LY6G6C: variants seen among roughly 807,000 people sequenced by gnomAD.
LY6G6C encodes lymphocyte antigen 6 complex locus protein G6c.
LY6G6C carries 12 observed loss-of-function variants against 12.8 expected under a neutral mutation model. The observed-to-expected ratio is 0.94, with a 90% CI of 0.60 to 1.52. The LOEUF (loss-of-function observed/expected upper bound fraction) is 1.52, where lower values mean the gene tolerates loss of function less well. Among genes scored for constraint, LY6G6C ranks in the 40% most tolerant of loss-of-function variants. The pLI is 0.00. For missense variants in LY6G6C, 125 were observed against 155.8 expected, an observed-to-expected ratio of 0.80 and a Z score of 1.05; for synonymous variants, 42 against 61.6, an observed-to-expected ratio of 0.68 and a Z score of 1.49.
intron 2 of LY6G6C, among the ~76,000 whole-genome samples, chr6:31,719,597 T>C (rs137908579): frequency 6.6e-6 from 1 of 152,238 alleles, no homozygotes; most frequent in African/African-American, 2.4e-5. Flanking sequence ...AGTGCAGTGG[T>C]GCCATCTCAG....
chr6:31,719,970 C>T, intron 2 of LY6G6C, 123 bp downstream of exon 2: 2 of 660,180 alleles, frequency 3.0e-6, no homozygotes, highest in Non-Finnish European at 5.3e-6. Flanking sequence ...CCATCTTTGG[C>T]CAAATATTAT....
At chr6:31,721,051 T>C (rs1397810923) in intron 1 of LY6G6C, 1 of 152,520 alleles carries the variant, frequency 6.6e-6, no homozygotes, top group Non-Finnish European at 1.5e-5. Flanking sequence ...CTCTTAGATG[T>C]CACTGCAACC....
chr6:31,719,374 C>T (rs1806662730), intron 2 of LY6G6C, 64 bp from the exon 3 acceptor site: 1 of 1,396,584 alleles, frequency 7.2e-7, no homozygotes, highest in Non-Finnish European at 1.0e-6. Flanking sequence ...TGTCCACCTC[C>T]CCACCCCATC....
In LY6G6C at chr6:31,719,489, T is replaced by C. The variant is rs944706160; in HGVS notation, c.164-179A>G. Among the ~76,000 whole-genome samples, 5 of 152,156 alleles carry C rather than the reference T, an allele frequency of 3.3e-5. No homozygotes were observed. The East Asian group carries it at 9.6e-4, about 29-fold the overall frequency. On this transcript the variant is annotated intron_variant, in intron 2 of 2. Coordinates refer to ENST00000375819, the MANE Select transcript of LY6G6C (RefSeq NM_025261.3). The stretch of plus-strand genomic sequence containing the variant: ...ACATCCTTACCCACCACTCCCCCAG[T>C]CCTGGTTCTATCACTTGCTGGCCAT...
At position 31,719,313 on chromosome 6, in the gene LY6G6C, AG is replaced by A; in HGVS notation, c.164-4del. ...ATTGGAGAAAACCCACATCTTACCTAGGGGTGGGAATGGGCAGGGAATCGGC... is the reference window on the plus strand; with the variant it reads ...ATTGGAGAAAACCCACATCTTACCTAGGGTGGGAATGGGCAGGGAATCGGC... On this transcript the variant is annotated splice_region_variant and splice_polypyrimidine_tract_variant and intron_variant, in intron 2 of 2. Coordinates refer to ENST00000375819, the MANE Select transcript of LY6G6C (RefSeq NM_025261.3). 6.2e-7 allele frequency: 1 copy of A among 1,613,948 alleles called. No individual in the cohort carries two copies.
chr6:31,721,557 G>A (rs927389454), intron 1 of LY6G6C, 71 bp downstream of exon 1: 11 of 1,451,042 alleles, frequency 7.6e-6, no homozygotes, highest in Non-Finnish European at 8.6e-6. Context: ...GGTAGGGCCG[G>A]GAAGTGGGTA....
chr6:31,719,689 A>G (rs1483092221), intron 2 of LY6G6C, among the ~76,000 whole-genome samples: 1 of 151,922 alleles, frequency 6.6e-6, no homozygotes, highest in Non-Finnish European at 1.5e-5. Flanking sequence ...GGCGCCCACT[A>G]CCATGCCTGG....
chr6:31,718,684 G>A lies in LY6G6C; in HGVS notation c.*412C>T, dbSNP rs1354118127. ...CATTTATTACTCAAAATGGAAAGAG[G>A]TGAGTATGGGGGATGGGGTACATAT... is the stretch of plus-strand genomic sequence containing the variant. On this transcript the variant is annotated 3_prime_UTR_variant, in exon 3 of 3. Coordinates refer to ENST00000375819, the MANE Select transcript of LY6G6C (RefSeq NM_025261.3). The A allele has an allele frequency of 4.4e-6, 1 of 227,834 alleles. No individual in the cohort carries two copies. The highest frequency in any genetic ancestry group is 1.6e-4 in the South Asian group (1 of 6,256). The allele number at this position is 227,834 out of a possible 1,614,324, so 14.1% of individuals were successfully genotyped here.
chr6:31,720,016 T>A lies in LY6G6C; in HGVS notation c.163+77A>T. The stretch of plus-strand genomic sequence containing the variant: ...ATCCTCTGCTTCTCCATCTCAGTCT[T>A]AGACCCATTTGGGCCTCAGTCCTGG... On this transcript the variant is annotated intron_variant, in intron 2 of 2. Transcript: ENST00000375819. This position sits in a 1 kb window ranked among gnomAD's most constrained non-coding sequence, Gnocchi z 4.9. 3.2e-6 allele frequency: 3 copies of A among 939,658 alleles called. No individual in the cohort carries two copies. In the South Asian group the frequency reaches 4.2e-5, roughly 13 times the overall value. The allele number at this position is 939,658 out of a possible 1,614,324, so 58.2% of individuals were successfully genotyped here.
intron 2 of LY6G6C, among the ~76,000 whole-genome samples, chr6:31,719,861 G>A (rs1215923373): frequency 6.6e-6 from 1 of 151,992 alleles, no homozygotes; most frequent in Non-Finnish European, 1.5e-5. Context: ...TTTTGAGGCC[G>A]TTTTCTCAGT....
At chr6:31,721,235 GACA>G (rs1167995684) in intron 1 of LY6G6C, among the ~76,000 whole-genome samples, 22 of 152,220 alleles carry the variant, frequency 1.4e-4, no homozygotes, top group African/African-American at 5.1e-4. Context: ...TCTTCGAGAG[GACA>G]CCTTACTGAG....
rs143912436 is a variant in LY6G6C, at chr6:31,719,284, G to A, written c.190C>T (p.Arg64Cys). The change falls in exon 3 of 3, where the codon CGC becomes TGC. Residue 64 changes from arginine (R) to cysteine (C), a missense_variant. Coordinates refer to ENST00000375819, the MANE Select transcript of LY6G6C (RefSeq NM_025261.3). Reference sequence around the variant, plus strand: ...CAGGGCTCTTCTGGTGTGCCACAGCGCAGATTGGAGAAAACCCACATCTTA... The same window carrying A: ...CAGGGCTCTTCTGGTGTGCCACAGCACAGATTGGAGAAAACCCACATCTTA... Reference protein sequence around the residue: ...LGKMWVFSNLRCGTPEEPCQE... With the variant: ...LGKMWVFSNLCCGTPEEPCQE... 9.5e-5 allele frequency: 154 copies of A among 1,614,030 alleles called. No homozygotes were observed. Among genetic ancestry groups the A allele is most frequent in the Middle Eastern group, 1.6e-4 (1 of 6,084 alleles).
Position 31,718,714 on chromosome 6 carries a change from G to A in LY6G6C, c.*382C>T. The A allele has an allele frequency of 3.5e-6, 1 of 287,938 alleles. No homozygotes were observed. Among genetic ancestry groups the A allele is most frequent in the Admixed American group, 4.6e-5 (1 of 21,572 alleles). 17.8% of individuals were successfully genotyped at this position (287,938 alleles called of 1,614,324 possible). On this transcript the variant is annotated 3_prime_UTR_variant, in exon 3 of 3. Coordinates refer to ENST00000375819, the MANE Select transcript of LY6G6C (RefSeq NM_025261.3). Reference sequence around the variant, plus strand: ...TATGGGGGATGGGGTACATATGGGAGCCTGGGTTTGGGGAGTCAGCTCTGT... The same window carrying A: ...TATGGGGGATGGGGTACATATGGGAACCTGGGTTTGGGGAGTCAGCTCTGT...
intron 1 of LY6G6C, 77 bp downstream of exon 1, chr6:31,721,551 G>T: frequency 1.4e-6 from 2 of 1,384,762 alleles, no homozygotes; most frequent in Non-Finnish European, 2.0e-6. Context: ...GTGGTGGGTA[G>T]GGCCGGGAAG....
In LY6G6C at chr6:31,720,132, C is replaced by G; in HGVS notation, c.124G>C (p.Glu42Gln). The change falls in exon 2 of 3, where the codon GAG (glutamate) becomes CAG (glutamine). Residue 42 changes from glutamate to glutamine, a missense_variant. Glu to Gln is a conservative substitution (Grantham distance 29, BLOSUM62 2). Coordinates refer to ENST00000375819, the MANE Select transcript of LY6G6C (RefSeq NM_025261.3). This position sits in a 1 kb window ranked among gnomAD's most constrained non-coding sequence, Gnocchi z 4.9. Reference sequence around the variant, plus strand: ...GTTGTCAGGCATTGCTGTCCTGGCTCCAGGCGGCAGGACTGCCGGTCCACA... The same window carrying G: ...GTTGTCAGGCATTGCTGTCCTGGCTGCAGGCGGCAGGACTGCCGGTCCACA... ...GCVDRQSCRL[E>Q]PGQQCLTTHA... 1 of 1,613,092 alleles carries G rather than the reference C, an allele frequency of 6.2e-7. No individual in the cohort carries two copies. Among genetic ancestry groups the G allele is most frequent in the Middle Eastern group, 1.6e-4 (1 of 6,062 alleles).
intron 2 of LY6G6C, among the ~76,000 whole-genome samples, 180 bp from the exon 3 acceptor site, chr6:31,719,490 C>T (rs1178397983): frequency 6.6e-6 from 1 of 152,162 alleles, no homozygotes; most frequent in African/African-American, 2.4e-5. Context: ...CTCCCCCAGT[C>T]CTGGTTCTAT....
chr6:31,721,605 C>G, intron 1 of LY6G6C, 23 bp downstream of exon 1: 1 of 1,612,984 alleles, frequency 6.2e-7, no homozygotes, highest in African/African-American at 1.3e-5. Context: ...CAAACCAGGT[C>G]TTTGGGGCCC....
In LY6G6C at chr6:31,720,651, C is replaced by T. The variant is rs774202307; in HGVS notation, c.53-448G>A. Among the ~76,000 whole-genome samples the T allele has an allele frequency of 2.6e-5, 4 of 152,148 alleles. No individual in the cohort carries two copies. The highest frequency in any genetic ancestry group is 4.4e-5 in the Non-Finnish European group (3 of 68,028). ...GAAATGCCTTGGAACTTGAGGCTGG[C>T]GAGAAAGCCATCTGTGGCCAGCTTT... On this transcript the variant is annotated intron_variant, in intron 1 of 2. Transcript: ENST00000375819. This position sits in a 1 kb window ranked among gnomAD's most constrained non-coding sequence, Gnocchi z 4.9.
chr6:31,719,877 A>C (rs993576543), intron 2 of LY6G6C, among the ~76,000 whole-genome samples: 2 of 152,146 alleles, frequency 1.3e-5, no homozygotes, highest in African/African-American at 4.8e-5. Flanking sequence ...TCAGTATAAT[A>C]ATAGCACCCA....
Sources: gnomAD v4.1 joint callset for allele counts (sites outside exome capture counted in the v4.1 genomes callset) on GRCh38, gnomAD v4.1.1 for gene constraint, Gnocchi (gnomAD v3.1) non-coding constraint, MANE v1.5 for transcripts, NCBI Gene and HGNC (gene_info 2026-07-23, HGNC 2026-07-21) for gene names.